Variants in NRG1 observed in about 807,000 individuals in gnomAD.
NRG1 encodes the protein neuregulin 1.
In NRG1, 18 loss-of-function variants were observed where a neutral mutation model predicts 63.8. That is an observed-to-expected ratio of 0.28 (90% CI 0.19 to 0.42). The LOEUF is 0.42. NRG1 is among the 10% of genes least tolerant of loss of function. NRG1 has a pLI of 1.00. For missense variants in NRG1, 762 were observed against 814.7 expected (o/e 0.94, Z 0.79); for synonymous variants, 302 against 301.3 (o/e 1.00, Z -0.02).
intron 1 of NRG1, among the ~76,000 whole-genome samples, chr8:32,376,241 C>A (rs761486843): frequency 7.9e-5 from 12 of 152,164 alleles, no homozygotes; most frequent in Non-Finnish European, 1.5e-4. Context: ...ATATTCAGAG[C>A]AAAATGGAAA....
intron 1 of NRG1, among the ~76,000 whole-genome samples, chr8:31,726,671 G>A (rs1325389533): frequency 6.6e-6 from 1 of 152,136 alleles, no homozygotes; most frequent in Non-Finnish European, 1.5e-5. Flanking sequence ...AAGCATGTCT[G>A]TAGAGCAGAA....
intron 1 of NRG1, among the ~76,000 whole-genome samples, chr8:31,909,288 T>A (rs956350047): frequency 6.6e-6 from 1 of 152,156 alleles, no homozygotes; most frequent in South Asian, 2.1e-4. Context: ...TTTTTAAAAA[T>A]TTGAACTTTA....
At chr8:32,377,484 AG>A (rs1809777667) in intron 1 of NRG1, among the ~76,000 whole-genome samples, 1 of 152,204 alleles carries the variant, frequency 6.6e-6, no homozygotes, top group Non-Finnish European at 1.5e-5. Flanking sequence ...CAAGATATGC[AG>A]GCTGTTTTTT....
intron 1 of NRG1, among the ~76,000 whole-genome samples, chr8:31,826,285 T>C (rs1824546614): frequency 6.6e-6 from 1 of 152,170 alleles, no homozygotes; most frequent in South Asian, 2.1e-4. Context: ...CCCAAATCTC[T>C]ACTTGAACTG....
intron 1 of NRG1, among the ~76,000 whole-genome samples, chr8:32,282,696 C>T (rs1853015513): frequency 6.6e-6 from 1 of 152,208 alleles, no homozygotes; most frequent in South Asian, 2.1e-4. Context: ...GAATCTTCAA[C>T]AGGTTGCTTA....
At chr8:32,190,964 A>G (rs1023601550) in intron 1 of NRG1, among the ~76,000 whole-genome samples, 32 of 152,236 alleles carry the variant, frequency 2.1e-4, no homozygotes, top group Non-Finnish European at 4.4e-4. Context: ...CATGTTTTTT[A>G]TACTGGATAG....
At chr8:32,310,552 A>G (rs1469759255) in intron 1 of NRG1, among the ~76,000 whole-genome samples, 1 of 152,222 alleles carries the variant, frequency 6.6e-6, no homozygotes, top group East Asian at 1.9e-4. Flanking sequence ...ATGCCAGGCA[A>G]CTTACCATAC....
intron 1 of NRG1, among the ~76,000 whole-genome samples, chr8:32,444,717 A>G (rs550883374): frequency 1.3e-5 from 2 of 152,330 alleles, no homozygotes; most frequent in Admixed American, 1.3e-4. Flanking sequence ...TTTCCTGGGA[A>G]GTCTCACAAT....
intron 1 of NRG1, among the ~76,000 whole-genome samples, chr8:32,428,535 G>A (rs1342912799): frequency 2.0e-5 from 3 of 152,122 alleles, no homozygotes; most frequent in African/African-American, 7.2e-5. Context: ...AGAACTCCAG[G>A]TCTTTCTGCT....
chr8:32,547,583 C>T (rs1476929896), upstream of NRG1, among the ~76,000 whole-genome samples: 2 of 142,610 alleles, frequency 1.4e-5, no homozygotes, highest in Non-Finnish European at 3.1e-5. Context: ...CTAACAGGCA[C>T]TTACTAAACA....
intron 1 of NRG1, among the ~76,000 whole-genome samples, chr8:31,667,399 C>T (rs1806663156): frequency 6.6e-6 from 1 of 152,186 alleles, no homozygotes; most frequent in Non-Finnish European, 1.5e-5. Context: ...ATGCCAAGCA[C>T]TGTGAGTGAT....
intron 8 of NRG1, among the ~76,000 whole-genome samples, chr8:32,756,115 T>C (rs1486828740): frequency 6.6e-6 from 1 of 152,170 alleles, no homozygotes; most frequent in African/African-American, 2.4e-5. Flanking sequence ...GATTAGGAAA[T>C]TTGTGATTTT....
chr8:32,264,839 A>T (rs1475154503), intron 1 of NRG1, among the ~76,000 whole-genome samples: 2 of 152,142 alleles, frequency 1.3e-5, no homozygotes, highest in African/African-American at 2.4e-5. Flanking sequence ...TCTGAAAGAT[A>T]CGGTTTGGAA....
intron 1 of NRG1, among the ~76,000 whole-genome samples, chr8:31,749,917 T>C (rs1417675124): frequency 6.6e-6 from 1 of 151,904 alleles, no homozygotes; most frequent in Non-Finnish European, 1.5e-5. Flanking sequence ...TTAAAATTCA[T>C]GCCTCTGCAT....
At chr8:31,990,061 T>C (rs1810796678) in intron 1 of NRG1, among the ~76,000 whole-genome samples, 1 of 152,146 alleles carries the variant, frequency 6.6e-6, no homozygotes, top group Non-Finnish European at 1.5e-5. Flanking sequence ...TGTGTAGCCC[T>C]GTGCCTCCAA....
intron 1 of NRG1, among the ~76,000 whole-genome samples, chr8:31,697,852 T>C (rs1810235012): frequency 6.6e-6 from 1 of 151,906 alleles, no homozygotes; most frequent in Admixed American, 6.6e-5. Flanking sequence ...TTTCTTTTCT[T>C]TTCTTCTTTC....
chr8:32,601,077 T>TA (rs1338284887), intron 2 of NRG1, among the ~76,000 whole-genome samples: 1 of 152,208 alleles, frequency 6.6e-6, no homozygotes, highest in Non-Finnish European at 1.5e-5. Context: ...ATTCTGTCCT[T>TA]ACTCTAGGAC....
intron 1 of NRG1, among the ~76,000 whole-genome samples, chr8:31,958,050 G>GATAGATAGATAT (rs1327859102): frequency 1.3e-5 from 2 of 151,032 alleles, no homozygotes; most frequent in African/African-American, 4.9e-5. Context: ...AGACCAGATA[G>GATAGATAGATAT]ATAGATAGAT....
intron 1 of NRG1, among the ~76,000 whole-genome samples, chr8:31,921,924 A>T (rs1275253974): frequency 3.3e-5 from 5 of 152,068 alleles, no homozygotes; most frequent in East Asian, 1.9e-4. Flanking sequence ...TTAATTTAAA[A>T]AATTTTTTTA....
Sources: gnomAD v4.1 joint callset for allele counts (sites outside exome capture counted in the v4.1 genomes callset) on GRCh38, gnomAD v4.1.1 for gene constraint, MANE v1.5 for transcripts, NCBI Gene and HGNC (gene_info 2026-07-23, HGNC 2026-07-21) for gene names.